Variants in ST7 observed in about 807,000 individuals in gnomAD.
The protein encoded by ST7 is suppressor of tumorigenicity 7 protein.
A neutral mutation model predicts 78.7 loss-of-function variants in ST7; 28 were observed. That is an observed-to-expected ratio of 0.36 (90% CI 0.26 to 0.49). The LOEUF (loss-of-function observed/expected upper bound fraction) is 0.49. ST7 is among the 20% of genes least tolerant of loss of function. The pLI is 0.99. For missense variants in ST7, 418 were observed against 696.0 expected, an observed-to-expected ratio of 0.60 and a Z score of 4.49; for synonymous variants, 247 against 249.6, an observed-to-expected ratio of 0.99 and a Z score of 0.10.
At chr7:117,012,283 A>ATT (rs201580835) in intron 1 of ST7, among the ~76,000 whole-genome samples, 5,712 of 142,348 alleles carry the variant, frequency 0.04, 151 homozygotes, top group Non-Finnish European at 0.06. Flanking sequence ...GTTTTTTGAA[A>ATT]TTTTTTTTTT....
At chr7:117,165,738 C>T (rs1286286060) in intron 9 of ST7, among the ~76,000 whole-genome samples, 1 of 152,048 alleles carries the variant, frequency 6.6e-6, no homozygotes, top group African/African-American at 2.4e-5. Flanking sequence ...ACTTAACCAG[C>T]AGATGAAGGT....
chr7:117,172,819 C>A (rs1808097905), intron 10 of ST7, among the ~76,000 whole-genome samples: 1 of 152,218 alleles, frequency 6.6e-6, no homozygotes, highest in Admixed American at 6.5e-5. Context: ...TGTTATCAAG[C>A]CTTCAGAAAT....
At chr7:117,159,718 A>G (rs1806978980) in intron 9 of ST7, among the ~76,000 whole-genome samples, 1 of 152,150 alleles carries the variant, frequency 6.6e-6, no homozygotes, top group Non-Finnish European at 1.5e-5. Context: ...TGTGCAACTA[A>G]AAAATGAAAA....
At chr7:117,063,521 C>A (rs2116457689) in intron 1 of ST7, among the ~76,000 whole-genome samples, 1 of 152,084 alleles carries the variant, frequency 6.6e-6, no homozygotes, top group East Asian at 1.9e-4. Context: ...CGAGCCTGGG[C>A]ACTGTGGTGA....
chr7:117,071,401 C>T (rs1798951523), intron 1 of ST7, among the ~76,000 whole-genome samples: 2 of 152,134 alleles, frequency 1.3e-5, no homozygotes, highest in African/African-American at 2.4e-5. Flanking sequence ...CAGTATTTCT[C>T]AAATTCCTTC....
At chr7:116,963,632 C>CTT (rs1026576295) in intron 1 of ST7, among the ~76,000 whole-genome samples, 7 of 135,818 alleles carry the variant, frequency 5.2e-5, no homozygotes, top group South Asian at 2.4e-4. Flanking sequence ...TCTTTTTTTT[C>CTT]TTTTTTTTTT....
At chr7:117,161,596 T>C (rs1221058607) in intron 9 of ST7, among the ~76,000 whole-genome samples, 29 of 144,768 alleles carry the variant, frequency 2.0e-4, no homozygotes, top group African/African-American at 7.2e-4. Context: ...TCTTTCTTTT[T>C]TTTTTTTTTT....
intron 12 of ST7, among the ~76,000 whole-genome samples, chr7:117,204,325 T>C (rs1418311420): frequency 6.6e-6 from 1 of 152,250 alleles, no homozygotes; most frequent in Non-Finnish European, 1.5e-5. Flanking sequence ...ATATATTACA[T>C]AATCTTCAAA....
chr7:117,030,329 G>C (rs1228200157), intron 1 of ST7, among the ~76,000 whole-genome samples: 1 of 152,100 alleles, frequency 6.6e-6, no homozygotes, highest in African/African-American at 2.4e-5. Context: ...ATGTAAAAGT[G>C]GTGGTATTAG....
intron 1 of ST7, among the ~76,000 whole-genome samples, chr7:117,090,379 C>T (rs1800518655): frequency 6.6e-6 from 1 of 152,086 alleles, no homozygotes; most frequent in South Asian, 2.1e-4. Context: ...TATAACTTTC[C>T]TACCTAGAAC....
chr7:117,075,849 C>T (rs1360482928), intron 1 of ST7, among the ~76,000 whole-genome samples: 1 of 152,056 alleles, frequency 6.6e-6, no homozygotes, highest in Non-Finnish European at 1.5e-5. Context: ...AGAAATTGAC[C>T]CTTCTGGCAT....
At chr7:116,993,650 G>T (rs146847600) in intron 1 of ST7, among the ~76,000 whole-genome samples, 179 of 152,364 alleles carry the variant, frequency 1.2e-3, no homozygotes, top group Non-Finnish European at 1.9e-3. Flanking sequence ...TCAGTGTTTG[G>T]CATGGGCCAG....
chr7:117,219,076 G>A lies in ST7; in HGVS notation c.1406-8G>A, dbSNP rs144689726. The A allele has an allele frequency of 1.2e-4, 199 of 1,603,652 alleles. No individual in the cohort carries two copies. In the East Asian group the frequency reaches 3.2e-3, roughly 26 times the overall value. ...GGACATCTCTGACATATTTTTTCTC[G>A]TTTTCAGCTTTTCGGATGATCCCTT... On this transcript the variant is annotated splice_polypyrimidine_tract_variant and splice_region_variant and intron_variant, in intron 13 of 15. Transcript: ENST00000323984. The surrounding 1 kb of genome is among the most constrained non-coding windows in gnomAD (Gnocchi z 5.1).
intron 1 of ST7, among the ~76,000 whole-genome samples, chr7:116,958,355 A>G (rs780549570): frequency 1.3e-5 from 2 of 151,778 alleles, no homozygotes; most frequent in Admixed American, 6.6e-5. Context: ...TAAAACTCTT[A>G]TATTGTTGAC....
intron 2 of ST7, among the ~76,000 whole-genome samples, chr7:117,114,322 A>G (rs566465074): frequency 6.6e-6 from 1 of 152,158 alleles, no homozygotes; most frequent in Non-Finnish European, 1.5e-5. Context: ...ATCAAAAAAG[A>G]AACTAAAAAT....
intron 1 of ST7, among the ~76,000 whole-genome samples, chr7:117,028,946 A>G (rs930261536): frequency 1.3e-5 from 2 of 152,208 alleles, no homozygotes; most frequent in African/African-American, 4.8e-5. Context: ...CACAGTTGAA[A>G]ATCCACATGA....
chr7:117,198,784 C>T (rs1187271969), intron 12 of ST7, among the ~76,000 whole-genome samples: 1 of 152,068 alleles, frequency 6.6e-6, no homozygotes, highest in East Asian at 1.9e-4. Flanking sequence ...GAGGTTGCCT[C>T]ATAAAACATC....
In ST7 at chr7:117,208,087, TA is replaced by T. The variant is rs1446585169; in HGVS notation, c.1255-1699del. 2.0e-5 allele frequency among the ~76,000 whole-genome samples: 3 copies of T among 152,096 alleles called. No homozygotes were observed. In the East Asian group the frequency reaches 5.8e-4, roughly 29 times the overall value. Reference sequence around the variant, plus strand: ...AAATCCACCATAATATAAATATAATTATTTATATTATGGCTGATATTCATTA... The same window carrying T: ...AAATCCACCATAATATAAATATAATTTTTATATTATGGCTGATATTCATTA... On this transcript the variant is annotated intron_variant, in intron 12 of 15. Transcript: ENST00000323984.
At chr7:117,177,025 A>G (rs892458613) in intron 10 of ST7, among the ~76,000 whole-genome samples, 1 of 152,210 alleles carries the variant, frequency 6.6e-6, no homozygotes, top group Non-Finnish European at 1.5e-5. Context: ...AATGAACCAC[A>G]TCAGTGCTTC....
Sources: gnomAD v4.1 joint callset for allele counts (sites outside exome capture counted in the v4.1 genomes callset) on GRCh38, gnomAD v4.1.1 for gene constraint, Gnocchi (gnomAD v3.1) non-coding constraint, MANE v1.5 for transcripts, NCBI Gene and HGNC (gene_info 2026-07-23, HGNC 2026-07-21) for gene names.